EPHA4: variants seen among roughly 807,000 people sequenced by gnomAD.
The protein encoded by EPHA4 is ephrin type-A receptor 4.
EPHA4 carries 19 observed loss-of-function variants against 108.3 expected under a neutral mutation model. That is an observed-to-expected ratio of 0.18 (90% CI 0.12 to 0.26). The LOEUF is 0.26. Among genes scored for constraint, EPHA4 ranks in the 10% least tolerant of loss-of-function variants. The pLI, the probability that EPHA4 is intolerant of heterozygous loss-of-function variation, is 1.00. For synonymous variants in EPHA4, 449 were observed against 455.5 expected (o/e 0.99, Z 0.18); for missense variants, 917 against 1,254.0 (o/e 0.73, Z 4.06).
intron 5 of EPHA4, among the ~76,000 whole-genome samples, chr2:221,467,448 T>C (rs1399426098): frequency 6.6e-6 from 1 of 152,224 alleles, no homozygotes; most frequent in Non-Finnish European, 1.5e-5. Context: ...ACCTCCTGGG[T>C]TAAGCCCTAA....
chr2:221,450,733 A>AAC (rs1481406688), intron 8 of EPHA4, among the ~76,000 whole-genome samples: 1 of 152,152 alleles, frequency 6.6e-6, no homozygotes, highest in Non-Finnish European at 1.5e-5. Context: ...TAAAAGGGGT[A>AAC]CTTTATAACC....
At chr2:221,483,051 C>T (rs1691876732) in intron 4 of EPHA4, among the ~76,000 whole-genome samples, 1 of 152,178 alleles carries the variant, frequency 6.6e-6, no homozygotes, top group Admixed American at 6.5e-5. Flanking sequence ...GATTCTAGTT[C>T]CCAGGGCCGT....
chr2:221,525,448 G>A (rs544224300), intron 3 of EPHA4, among the ~76,000 whole-genome samples: 3 of 152,138 alleles, frequency 2.0e-5, no homozygotes, highest in Non-Finnish European at 2.9e-5. Context: ...CCTTGATTCC[G>A]TGCCATTAGT....
rs569831358 is a variant in EPHA4 at position 221,523,088 on chromosome 2, C to T, written c.824-21916G>A. The stretch of plus-strand genomic sequence containing the variant: ...AAAAGATTTTTTTAAACTGTCTGTC[C>T]TTATGCAGCATTTGAAAACCCCAGT... On this transcript the variant is annotated intron_variant, in intron 3 of 17. Transcript: ENST00000281821. 6.6e-5 allele frequency among the ~76,000 whole-genome samples: 10 copies of T among 151,454 alleles called. No individual in the cohort carries two copies. The South Asian group carries it at 2.1e-3, about 32-fold the overall frequency.
In EPHA4 at chr2:221,567,012, A is replaced by AAGAAGAAGAAGAAGAAGAAGAAG. The variant is rs879781384; in HGVS notation, c.159+1705_159+1706insCTTCTTCTTCTTCTTCTTCTTCT. Among the ~76,000 whole-genome samples, 106 of 67,802 alleles carry AAGAAGAAGAAGAAGAAGAAGAAG rather than the reference A, an allele frequency of 1.6e-3. 16 individuals are homozygous for AAGAAGAAGAAGAAGAAGAAGAAG. The highest frequency in any genetic ancestry group is 3.2e-3 in the Non-Finnish European group (79 of 24,982). 44.5% of individuals were successfully genotyped at this position (67,802 alleles called of 152,430 possible). On this transcript the variant is annotated intron_variant, in intron 2 of 17. Coordinates refer to ENST00000281821, the MANE Select transcript of EPHA4 (RefSeq NM_004438.5). ...AGAAGAAGAAGAAGAAGAAGAAGAA[A>AAGAAGAAGAAGAAGAAGAAGAAG]AAAATGTCTGCAGCATATTAAATTG...
intron 3 of EPHA4, among the ~76,000 whole-genome samples, chr2:221,535,078 TTC>T (rs1231784298): frequency 1.3e-5 from 2 of 152,246 alleles, no homozygotes; most frequent in African/African-American, 2.4e-5. Context: ...AGCAGCACTA[TTC>T]TCTCTCTTGG....
At chr2:221,565,351 G>C (rs1391737220) in intron 2 of EPHA4, among the ~76,000 whole-genome samples, 1 of 152,206 alleles carries the variant, frequency 6.6e-6, no homozygotes, top group South Asian at 2.1e-4. Flanking sequence ...AATCCGAAAA[G>C]CAGCAAAACT....
chr2:221,524,726 C>T (rs1296452886), intron 3 of EPHA4, among the ~76,000 whole-genome samples: 2 of 152,178 alleles, frequency 1.3e-5, no homozygotes, highest in Non-Finnish European at 2.9e-5. Context: ...CATATAAAAA[C>T]ATCTCACGTC....
intron 5 of EPHA4, among the ~76,000 whole-genome samples, chr2:221,472,393 C>T (rs1281137915): frequency 1.3e-5 from 2 of 151,808 alleles, no homozygotes; most frequent in Non-Finnish European, 2.9e-5. Context: ...TCCAGGGAGC[C>T]GTTGTAAGCT....
intron 3 of EPHA4, among the ~76,000 whole-genome samples, chr2:221,535,761 A>G (rs1469711025): frequency 1.2e-4 from 19 of 152,232 alleles, no homozygotes; most frequent in Non-Finnish European, 1.5e-5. Context: ...ACAAATCTTC[A>G]TATCAAGGGC....
chr2:221,471,355 C>G (rs1691483420), intron 5 of EPHA4, among the ~76,000 whole-genome samples: 1 of 151,938 alleles, frequency 6.6e-6, no homozygotes, highest in Admixed American at 6.6e-5. Context: ...CTGGCTCCAC[C>G]CAAAGAAGTC....
chr2:221,526,945 C>T (rs895815843), intron 3 of EPHA4, among the ~76,000 whole-genome samples: 2 of 137,446 alleles, frequency 1.5e-5, no homozygotes, highest in African/African-American at 5.7e-5. Context: ...TCTGAATCTA[C>T]CCCCGTCTCT....
intron 5 of EPHA4, among the ~76,000 whole-genome samples, chr2:221,476,983 T>C (rs1022058713): frequency 6.6e-6 from 1 of 152,142 alleles, no homozygotes; most frequent in African/African-American, 2.4e-5. Flanking sequence ...AACAAACAGA[T>C]GGAACTGTAC....
chr2:221,502,513 C>G (rs941142588), intron 3 of EPHA4: 1 of 471,010 alleles, frequency 2.1e-6, no homozygotes. Context: ...CATGCAGCAA[C>G]GCAGCAGATC....
chr2:221,456,834 G>A lies in EPHA4; in HGVS notation c.1444-62C>T, dbSNP rs111796286. The A allele has an allele frequency of 3.6e-4, 572 of 1,586,520 alleles. 2 individuals carry two copies. In the African/African-American group the frequency reaches 6.3e-3, roughly 17 times the overall value. On this transcript the variant is annotated intron_variant, in intron 6 of 17. Transcript: ENST00000281821. The stretch of plus-strand genomic sequence containing the variant: ...AAATAAATCTCCTGCTTACTTACTA[G>A]GTGCAATATTAAAGGAGTCAAGCCA...
At chr2:221,440,603 G>C (rs1690394341) in intron 11 of EPHA4, among the ~76,000 whole-genome samples, 1 of 144,406 alleles carries the variant, frequency 6.9e-6, no homozygotes, top group Non-Finnish European at 1.5e-5. Context: ...TTCTCACCAA[G>C]GTTCCTTTTT....
chr2:221,542,494 T>C (rs1312006025), intron 3 of EPHA4, among the ~76,000 whole-genome samples: 1 of 152,184 alleles, frequency 6.6e-6, no homozygotes, highest in East Asian at 1.9e-4. Flanking sequence ...TGGTTCTGTA[T>C]GGGGAAATAT....
At chr2:221,516,433 C>T (rs1411865026) in intron 3 of EPHA4, among the ~76,000 whole-genome samples, 3 of 149,868 alleles carry the variant, frequency 2.0e-5, no homozygotes, top group Non-Finnish European at 2.9e-5. Context: ...CGGCTCACTG[C>T]AACCTCCGCC....
chr2:221,525,890 C>A (rs894969011), intron 3 of EPHA4, among the ~76,000 whole-genome samples: 2 of 152,002 alleles, frequency 1.3e-5, no homozygotes, highest in African/African-American at 2.4e-5. Flanking sequence ...ATGTATAATT[C>A]TTTTATAACT....
Sources: gnomAD v4.1 joint callset for allele counts (sites outside exome capture counted in the v4.1 genomes callset) on GRCh38, gnomAD v4.1.1 for gene constraint, MANE v1.5 for transcripts, NCBI Gene and HGNC (gene_info 2026-07-23, HGNC 2026-07-21) for gene names.